The following TMEFF1 variants were observed in gnomAD, a reference collection of about 807,000 sequenced individuals.
TMEFF1 encodes tomoregulin-1.
TMEFF1 carries 20 observed loss-of-function variants against 47.5 expected under a neutral mutation model. The ratio of observed to expected loss-of-function variants is 0.42; its 90% CI spans 0.30 to 0.61. The LOEUF is 0.61. Ranked by LOEUF, TMEFF1 falls within the 20% of genes least tolerant of loss-of-function variation. The pLI is 0.19. For synonymous variants in TMEFF1, 162 were observed against 166.3 expected (o/e 0.97, Z 0.20); for missense variants, 411 against 471.1 (o/e 0.87, Z 1.18).
chr9:100,528,326 C>G (rs372751075), intron 5 of TMEFF1, among the ~76,000 whole-genome samples: 153 of 149,834 alleles, frequency 1.0e-3, no homozygotes, highest in Admixed American at 3.5e-3. Flanking sequence ...CAAAGGCAAA[C>G]AAGTTGAAAA....
intron 7 of TMEFF1, 121 bp downstream of exon 7, chr9:100,550,281 T>A: frequency 1.2e-6 from 1 of 822,880 alleles, no homozygotes; most frequent in Non-Finnish European, 1.8e-6. Context: ...GTAATATACC[T>A]AACACAGTTA....
intron 7 of TMEFF1, among the ~76,000 whole-genome samples, chr9:100,556,981 G>A (rs1346638453): frequency 2.0e-5 from 3 of 151,406 alleles, no homozygotes; most frequent in African/African-American, 4.9e-5. Flanking sequence ...TGAGTAGCTC[G>A]GCTTACAGGT....
Position 100,536,077 on chromosome 9 carries a change from C to G in TMEFF1, c.561-11667C>G, listed in dbSNP as rs59815212. 6.7e-3 allele frequency among the ~76,000 whole-genome samples: 1,021 copies of G among 152,222 alleles called. 7 individuals carry two copies. Among genetic ancestry groups the G allele is most frequent in the African/African-American group, 0.024 (993 of 41,520 alleles). On this transcript the variant is annotated intron_variant, in intron 5 of 9. Transcript: ENST00000374879. ...TTGATATATTAAAAAACAATATCTT[C>G]TGTGGAAACGAGCATGGGCTCTCTC...
At chr9:100,501,619 G>C (rs1837764433) in intron 2 of TMEFF1, among the ~76,000 whole-genome samples, 1 of 151,882 alleles carries the variant, frequency 6.6e-6, no homozygotes, top group Non-Finnish European at 1.5e-5. Context: ...AGAACCTGCT[G>C]CTTTGATTTA....
chr9:100,516,055 A>G (rs920873480), intron 4 of TMEFF1, among the ~76,000 whole-genome samples: 3 of 152,082 alleles, frequency 2.0e-5, no homozygotes, highest in Non-Finnish European at 4.4e-5. Flanking sequence ...GCGTTGGAGC[A>G]TAAGAGACCT....
At chr9:100,509,280 C>G (rs1837917813) in intron 3 of TMEFF1, 146 bp downstream of exon 3, 1 of 1,223,058 alleles carries the variant, frequency 8.2e-7, no homozygotes. Context: ...CTTTTTTGCC[C>G]TCATTTCAGG....
At chr9:100,503,328 A>G (rs1837801757) in intron 2 of TMEFF1, among the ~76,000 whole-genome samples, 1 of 152,094 alleles carries the variant, frequency 6.6e-6, no homozygotes, top group Non-Finnish European at 1.5e-5. Context: ...TTTGGTATAT[A>G]GAAACATGAT....
intron 1 of TMEFF1, among the ~76,000 whole-genome samples, chr9:100,491,128 A>C (rs1416476341): frequency 6.6e-6 from 1 of 152,098 alleles, no homozygotes; most frequent in South Asian, 2.1e-4. Context: ...ATAATATTCC[A>C]TAGTTGTACC....
At chr9:100,482,104 A>G (rs1014822630) in intron 1 of TMEFF1, among the ~76,000 whole-genome samples, 25 of 151,332 alleles carry the variant, frequency 1.7e-4, no homozygotes, top group African/African-American at 5.1e-4. Flanking sequence ...AAAAAGTTAC[A>G]TTGGTTGTTA....
intron 1 of TMEFF1, among the ~76,000 whole-genome samples, chr9:100,479,855 A>G (rs1837307123): frequency 6.6e-6 from 1 of 152,138 alleles, no homozygotes; most frequent in Non-Finnish European, 1.5e-5. Context: ...TTGTGGACAC[A>G]TGTTTTCAGT....
At chr9:100,572,460 G>T in intron 8 of TMEFF1, 58 bp from the exon 9 acceptor site, 2 of 1,464,882 alleles carry the variant, frequency 1.4e-6, no homozygotes, top group Non-Finnish European at 1.8e-6. Context: ...TAATGTAAAA[G>T]CTTGGGAGTA....
At chr9:100,520,053 A>T (rs538104196) in intron 5 of TMEFF1, among the ~76,000 whole-genome samples, 1 of 152,176 alleles carries the variant, frequency 6.6e-6, no homozygotes, top group Non-Finnish European at 1.5e-5. Flanking sequence ...TTCATAATCC[A>T]CTAGTGATTA....
At chr9:100,481,815 C>A (rs888373152) in intron 1 of TMEFF1, among the ~76,000 whole-genome samples, 4 of 152,072 alleles carry the variant, frequency 2.6e-5, no homozygotes, top group African/African-American at 9.7e-5. Flanking sequence ...CGGAGTCTAG[C>A]TCTGTCACCG....
chr9:100,489,941 C>G (rs1171814171), intron 1 of TMEFF1, among the ~76,000 whole-genome samples: 1 of 152,086 alleles, frequency 6.6e-6, no homozygotes, highest in Non-Finnish European at 1.5e-5. Flanking sequence ...GTACCCAGGC[C>G]TTTTCTTCCA....
chr9:100,486,105 C>T (rs536688718), intron 1 of TMEFF1, among the ~76,000 whole-genome samples: 83 of 151,548 alleles, frequency 5.5e-4, no homozygotes, highest in Non-Finnish European at 4.1e-4. Flanking sequence ...AAAAAACCCA[C>T]ACCTTTTTTC....
chr9:100,473,654 G>A lies in TMEFF1; in HGVS notation c.110G>A (p.Ser37Asn). 6.5e-7 allele frequency: 1 copy of A among 1,548,586 alleles called. No homozygotes were observed. The highest frequency in any genetic ancestry group is 8.7e-7 in the Non-Finnish European group (1 of 1,146,950). Residue 37 changes from serine (S) to asparagine (N), a missense_variant, in exon 1 of 10, where the codon AGC becomes AAC. By Grantham distance (46) the Ser-to-Asn change is conservative (BLOSUM62 1). Transcript: ENST00000374879. This position sits in a 1 kb window ranked among gnomAD's most constrained non-coding sequence, Gnocchi z 5.4. ...CTCTTCGCCTTCTCTCTGCCCGGGA[G>A]CCGCGCGTCCAACCAGCCCCCGGGT... ...LLLFAFSLPGSRASNQPPGGG... is the reference protein window; with the variant it reads ...LLLFAFSLPGNRASNQPPGGG...
At chr9:100,477,416 T>A (rs1837254685) in intron 1 of TMEFF1, among the ~76,000 whole-genome samples, 1 of 152,202 alleles carries the variant, frequency 6.6e-6, no homozygotes, top group South Asian at 2.1e-4. Context: ...TTGTTATGTG[T>A]ATATATCATC....
chr9:100,561,495 T>C lies in TMEFF1; in HGVS notation c.874T>C (p.Tyr292His). ...CATCCATGGAAAATGTGAATTCATC[T>C]ATTCTACTCAGAAGGCTTCTTGTAG... ...YCIHGKCEFI[Y>H]STQKASCRCE... is the part of the protein sequence containing the mutation. Residue 292 changes from tyrosine (Y) to histidine (H), a missense_variant, in exon 8 of 10, where the codon TAT (tyrosine) becomes CAT (histidine). Coordinates refer to ENST00000374879, the MANE Select transcript of TMEFF1 (RefSeq NM_003692.5). 1 of 1,613,744 alleles carries C rather than the reference T, an allele frequency of 6.2e-7. No individual in the cohort carries two copies. Among genetic ancestry groups the C allele is most frequent in the Non-Finnish European group, 8.5e-7 (1 of 1,179,800 alleles).
At chr9:100,557,490 C>T (rs1174556470) in intron 7 of TMEFF1, among the ~76,000 whole-genome samples, 1 of 152,118 alleles carries the variant, frequency 6.6e-6, no homozygotes, top group Admixed American at 6.5e-5. Flanking sequence ...ATACCCTTCG[C>T]CAGTCTGAAT....
Sources: allele counts gnomAD v4.1 joint callset (sites outside exome capture counted in the v4.1 genomes callset), GRCh38; gene constraint gnomAD v4.1.1; non-coding constraint Gnocchi (gnomAD v3.1); transcripts MANE v1.5; gene names NCBI Gene and HGNC (gene_info 2026-07-23, HGNC 2026-07-21).